COL27A1: variants seen among roughly 807,000 people sequenced by gnomAD.
COL27A1 encodes the protein collagen alpha-1(XXVII) chain.
Under a neutral mutation model 251.3 loss-of-function variants are expected in COL27A1, and 106 were observed. The observed-to-expected ratio is 0.42, with a 90% CI of 0.36 to 0.50. The LOEUF (loss-of-function observed/expected upper bound fraction) is 0.50. COL27A1 is among the 20% of genes least tolerant of loss of function. The probability of loss-of-function intolerance (pLI) is 0.00; values close to 1 mark genes in which losing one functional copy is unlikely to be tolerated. For synonymous variants in COL27A1, 1,000 were observed against 986.3 expected (o/e 1.01, Z -0.26); for missense variants, 2,325 against 2,522.8 (o/e 0.92, Z 1.68).
At chr9:114,242,012 C>G (rs769489290) in intron 21 of COL27A1, among the ~76,000 whole-genome samples, 175 bp from the exon 22 acceptor site, 7 of 152,244 alleles carry the variant, frequency 4.6e-5, no homozygotes, top group African/African-American at 7.2e-5. Flanking sequence ...TAGGCCATGG[C>G]CAGTGGAGCC....
In COL27A1 at chr9:114,207,633, G is replaced by A. The variant is rs1275980447; in HGVS notation, c.2268+1337G>A. Among the ~76,000 whole-genome samples the A allele has an allele frequency of 7.2e-5, 11 of 152,298 alleles. No homozygotes were observed. The East Asian group carries it at 2.1e-3, about 29-fold the overall frequency. ...CTTACAGGCCACACAGCCCTGGGTG[G>A]GAAGCCTGGATGAGCAGTGAGTCAC... On this transcript the variant is annotated intron_variant, in intron 10 of 60. Transcript: ENST00000356083.
At chr9:114,173,757 A>G (rs1486479840) in intron 3 of COL27A1, among the ~76,000 whole-genome samples, 1 of 151,984 alleles carries the variant, frequency 6.6e-6, no homozygotes. Context: ...GTAGATTGTC[A>G]TGGCTGTGAT....
At chr9:114,251,314 G>C (rs2135525675) in intron 25 of COL27A1, among the ~76,000 whole-genome samples, 1 of 152,096 alleles carries the variant, frequency 6.6e-6, no homozygotes, top group Non-Finnish European at 1.5e-5. Context: ...GAGGGAGGAA[G>C]TATCCCCCGC....
At chr9:114,202,193 C>T (rs559106052) in intron 7 of COL27A1, among the ~76,000 whole-genome samples, 2 of 152,352 alleles carry the variant, frequency 1.3e-5, no homozygotes, top group South Asian at 4.1e-4. Context: ...CCTGGGATTT[C>T]ACTGGAGAAA....
rs368825239 is a variant in COL27A1 at position 114,162,723 on chromosome 9, T to C, written c.71T>C (p.Leu24Pro). The C allele has an allele frequency of 6.2e-7, 1 of 1,612,488 alleles. No individual in the cohort carries two copies. The highest frequency in any genetic ancestry group is 1.3e-5 in the African/African-American group (1 of 74,646). The change falls in exon 2 of 61, where the codon CTC becomes CCC. Residue 24 changes from leucine to proline, a missense_variant. Physicochemically the swap from Leu to Pro is moderately conservative, Grantham distance 98 (BLOSUM62 -3). This residue lies in a region of COL27A1 where 1,183 missense variants were observed against 1,144.1 expected (regional missense o/e 1.03). Transcript: ENST00000356083. ...AAAAARGGGFLFSWILVSFAC... is the reference protein window; with the variant it reads ...AAAAARGGGFPFSWILVSFAC... Reference sequence around the variant, plus strand: ...TGTCTCCTGGTCTCTAGGGGGTTTCTCTTCTCCTGGATCTTAGTCTCGTTT... The same window carrying C: ...TGTCTCCTGGTCTCTAGGGGGTTTCCCTTCTCCTGGATCTTAGTCTCGTTT...
intron 28 of COL27A1, among the ~76,000 whole-genome samples, chr9:114,258,839 G>A (rs1022084014): frequency 6.6e-6 from 1 of 152,218 alleles, no homozygotes; most frequent in Non-Finnish European, 1.5e-5. Flanking sequence ...TCCGGTACTA[G>A]TTCTTTGTTC....
chr9:114,220,630 T>G (rs1349461646), intron 13 of COL27A1, among the ~76,000 whole-genome samples: 1 of 152,182 alleles, frequency 6.6e-6, no homozygotes, highest in East Asian at 1.9e-4. Context: ...TTGTCAGGTG[T>G]GTGAGCTTGG....
chr9:114,226,998 G>A (rs1831514896), intron 14 of COL27A1, among the ~76,000 whole-genome samples: 1 of 152,226 alleles, frequency 6.6e-6, no homozygotes, highest in South Asian at 2.1e-4. Context: ...TAGTGCTGGA[G>A]GCCGAAGGAC....
At chr9:114,281,999 C>T (rs999999054) in intron 37 of COL27A1, among the ~76,000 whole-genome samples, 1 of 152,176 alleles carries the variant, frequency 6.6e-6, no homozygotes, top group Non-Finnish European at 1.5e-5. Context: ...AGAAGCCGCA[C>T]CCGCCATCCA....
At chr9:114,266,461 G>C (rs1834749510) in intron 32 of COL27A1, 104 bp from the exon 33 acceptor site, 1 of 900,404 alleles carries the variant, frequency 1.1e-6, no homozygotes, top group South Asian at 1.5e-5. Context: ...GTGTGCTTCA[G>C]AGTCCCCAGT....
At chr9:114,275,539 G>A (rs547862652) in intron 36 of COL27A1, 122 bp from the exon 37 acceptor site, 57 of 634,214 alleles carry the variant, frequency 9.0e-5, no homozygotes, top group Admixed American at 6.7e-4. Flanking sequence ...GGGAACTATC[G>A]AGAATCTAGG....
At chr9:114,301,422 C>A (rs1828621232) in intron 53 of COL27A1, 23 bp from the exon 54 acceptor site, 2 of 1,612,324 alleles carry the variant, frequency 1.2e-6, no homozygotes, top group South Asian at 1.1e-5. Context: ...CTAACTCTCT[C>A]CCCTGCTTCT....
At chr9:114,256,524 G>A (rs551062923) in intron 27 of COL27A1, among the ~76,000 whole-genome samples, 1 of 152,248 alleles carries the variant, frequency 6.6e-6, no homozygotes, top group Non-Finnish European at 1.5e-5. Context: ...CCATTATTGG[G>A]GGTGGGAGTG....
At chr9:114,244,050 C>G (rs1159502782) in intron 23 of COL27A1, among the ~76,000 whole-genome samples, 2 of 151,794 alleles carry the variant, frequency 1.3e-5, no homozygotes, top group Non-Finnish European at 2.9e-5. Flanking sequence ...CTCAGCCTCC[C>G]GAGTAGCTGG....
rs765396875 is a variant in COL27A1 at position 114,252,600 on chromosome 9, G to A, written c.3041G>A (p.Arg1014His). ...TTGCTGTCTCCATCACAGGGTGATCGTGGCATGATGGGACCCCCAGGCGTG... is the reference window on the plus strand; with the variant it reads ...TTGCTGTCTCCATCACAGGGTGATCATGGCATGATGGGACCCCCAGGCGTG... ...EPGIVGEKGD[R>H]GMMGPPGVPG... Residue 1014 changes from arginine (R) to histidine (H), a missense_variant, in exon 26 of 61, where the codon CGT (arginine) becomes CAT (histidine). Physicochemically the swap from Arg to His is conservative, Grantham distance 29. Coordinates refer to ENST00000356083, the MANE Select transcript of COL27A1 (RefSeq NM_032888.4). 81 of 1,613,836 alleles carry A rather than the reference G, an allele frequency of 5.0e-5. No individual in the cohort carries two copies. Among genetic ancestry groups the A allele is most frequent in the Non-Finnish European group, 6.3e-5 (74 of 1,180,004 alleles).
intron 8 of COL27A1, among the ~76,000 whole-genome samples, chr9:114,205,536 A>G (rs1588656504): frequency 6.7e-6 from 1 of 149,488 alleles, no homozygotes; most frequent in Non-Finnish European, 1.5e-5. Flanking sequence ...CTCCTCAGTA[A>G]TTTCTTATTC....
intron 14 of COL27A1, among the ~76,000 whole-genome samples, chr9:114,225,106 C>T (rs1442306585): frequency 6.6e-6 from 1 of 152,166 alleles, no homozygotes; most frequent in Non-Finnish European, 1.5e-5. Context: ...ACTGGGCATC[C>T]TGTCTTTTTA....
chr9:114,243,049 A>C (rs1029967481), intron 22 of COL27A1, among the ~76,000 whole-genome samples: 1 of 152,216 alleles, frequency 6.6e-6, no homozygotes, highest in Admixed American at 6.5e-5. Context: ...CTTAACATTC[A>C]CCAGAGTGAG....
chr9:114,304,810 T>A, intron 57 of COL27A1, 137 bp downstream of exon 57: 1 of 716,876 alleles, frequency 1.4e-6, no homozygotes, highest in Non-Finnish European at 2.4e-6. Context: ...GCATCTCGCA[T>A]CCACAAATGG....
Sources: gnomAD v4.1 joint callset for allele counts (sites outside exome capture counted in the v4.1 genomes callset) on GRCh38, gnomAD v4.1.1 for gene constraint, gnomAD v4.1.1 regional missense constraint, MANE v1.5 for transcripts, NCBI Gene and HGNC (gene_info 2026-07-23, HGNC 2026-07-21) for gene names.